Variants in UGT1A4 observed in about 807,000 individuals in gnomAD.
The protein encoded by UGT1A4 is UDP glucuronosyltransferase family 1 member A4, also known as UDP-glucuronosyltransferase 1A4.
UGT1A4 carries 32 observed loss-of-function variants against 41.1 expected under a neutral mutation model. That is an observed-to-expected ratio of 0.78 (90% CI 0.59 to 1.05). The LOEUF (loss-of-function observed/expected upper bound fraction) is 1.05, where lower values mean the gene tolerates loss of function less well. UGT1A4 is among the 50% of genes least tolerant of loss of function. UGT1A4 has a pLI of 0.00. For missense variants in UGT1A4, 748 were observed against 677.4 expected, an observed-to-expected ratio of 1.10 and a Z score of -1.16; for synonymous variants, 283 against 265.1, an observed-to-expected ratio of 1.07 and a Z score of -0.66.
At chr2:233,722,804 C>G (rs1575543281) in intron 1 of UGT1A4, among the ~76,000 whole-genome samples, 2 of 147,930 alleles carry the variant, frequency 1.4e-5, no homozygotes, top group Non-Finnish European at 3.0e-5. Context: ...TCATCTCCCT[C>G]TTATTTTTTC....
At chr2:233,771,550 T>G (rs1700326393) in intron 4 of UGT1A4, 1 of 152,254 alleles carries the variant, frequency 6.6e-6, no homozygotes, top group Non-Finnish European at 1.5e-5. Flanking sequence ...TACAAATGGC[T>G]GTTAATTTGG....
intron 1 of UGT1A4, among the ~76,000 whole-genome samples, chr2:233,724,299 A>G (rs1357747984): frequency 8.9e-6 from 1 of 112,936 alleles, no homozygotes; most frequent in African/African-American, 3.5e-5. Flanking sequence ...TGACCCCCCC[A>G]CCTCCCTCCC....
intron 1 of UGT1A4, among the ~76,000 whole-genome samples, chr2:233,751,321 C>T (rs551289281): frequency 6.6e-6 from 1 of 152,014 alleles, no homozygotes; most frequent in East Asian, 1.9e-4. Flanking sequence ...TTTCTGTACC[C>T]CCATTGTGTC....
chr2:233,737,160 G>A (rs1247160772), intron 1 of UGT1A4, among the ~76,000 whole-genome samples: 1 of 152,224 alleles, frequency 6.6e-6, no homozygotes, highest in Non-Finnish European at 1.5e-5. Flanking sequence ...CCTGCCCACA[G>A]AGGTGGAGTC....
intron 1 of UGT1A4, among the ~76,000 whole-genome samples, chr2:233,745,982 A>G (rs1693272661): frequency 2.0e-5 from 3 of 151,698 alleles, no homozygotes; most frequent in South Asian, 2.1e-4. Flanking sequence ...TGGGACCATG[A>G]CAGCTGGGTC....
chr2:233,730,522 G>A (rs45560734), intron 1 of UGT1A4, among the ~76,000 whole-genome samples: 4,919 of 152,208 alleles, frequency 0.032, 260 homozygotes, highest in African/African-American at 0.11. Flanking sequence ...TGGAAGTGGG[G>A]CAATGAAGTT....
At chr2:233,741,039 A>T (rs1218134872) in intron 1 of UGT1A4, among the ~76,000 whole-genome samples, 1 of 151,820 alleles carries the variant, frequency 6.6e-6, no homozygotes, top group African/African-American at 2.4e-5. Context: ...GTAAGCTATG[A>T]TCTTGCCTAG....
At chr2:233,765,730 T>TAATAAA (rs1427774434) in intron 1 of UGT1A4, among the ~76,000 whole-genome samples, 195 of 150,280 alleles carry the variant, frequency 1.3e-3, no homozygotes, top group Admixed American at 3.5e-3. Context: ...ATAATAATAA[T>TAATAAA]AAATAAACCC....
chr2:233,740,338 G>C (rs1156245808), intron 1 of UGT1A4, among the ~76,000 whole-genome samples: 2 of 151,948 alleles, frequency 1.3e-5, no homozygotes, highest in Admixed American at 1.3e-4. Context: ...TGAGAAAGTT[G>C]ATGAGAAAGT....
intron 1 of UGT1A4, among the ~76,000 whole-genome samples, chr2:233,748,621 T>C (rs1261589705): frequency 1.3e-5 from 2 of 151,698 alleles, no homozygotes; most frequent in African/African-American, 4.9e-5. Context: ...ACGTGGGATA[T>C]ATGTCTGTGA....
chr2:233,769,819 C>A lies in UGT1A4; in HGVS notation c.1307+1380C>A. On this transcript the variant is annotated intron_variant, in intron 4 of 4. Transcript: ENST00000373409. The surrounding 1 kb of genome is among the most constrained non-coding windows in gnomAD (Gnocchi z 4.4). ...GCTATGAGCCGTGATCATGCCACTG[C>A]ACTCCAGCAACCTGGGCAACAGAGT... 2 of 840,292 alleles carry A rather than the reference C, an allele frequency of 2.4e-6. No homozygotes were observed. The highest frequency in any genetic ancestry group is 3.4e-6 in the Non-Finnish European group (2 of 594,478). The allele number at this position is 840,292 out of a possible 1,614,324, so 52.1% of individuals were successfully genotyped here.
Position 233,718,896 on chromosome 2 carries a change from G to T in UGT1A4, c.76G>T (p.Ala26Ser), listed in dbSNP as rs763201473. 1 of 1,614,046 alleles carries T rather than the reference G, an allele frequency of 6.2e-7. No individual in the cohort carries two copies. The highest frequency in any genetic ancestry group is 8.5e-7 in the Non-Finnish European group (1 of 1,179,918). Residue 26 changes from alanine (A) to serine (S), a missense_variant, in exon 1 of 5, where the codon GCT becomes TCT. Physicochemically the swap from Ala to Ser is moderately conservative, Grantham distance 99. Transcript: ENST00000373409. ...LLLLLSVQPW[A>S]ESGKVLVVPT... ...GCTCCTCCTCAGTGTCCAGCCCTGG[G>T]CTGAGAGTGGAAAGGTGTTGGTGGT... is the stretch of plus-strand genomic sequence containing the variant.
intron 1 of UGT1A4, among the ~76,000 whole-genome samples, chr2:233,756,797 C>T (rs954051942): frequency 2.0e-5 from 3 of 151,992 alleles, no homozygotes. Context: ...GGGCAATACA[C>T]TAGTAAAGGT....
chr2:233,732,874 G>A (rs1220552637), intron 1 of UGT1A4, among the ~76,000 whole-genome samples: 1 of 151,670 alleles, frequency 6.6e-6, no homozygotes, highest in Non-Finnish European at 1.5e-5. Context: ...GATGGGTTTG[G>A]CATTGAATCT....
rs2076726952 is a variant in UGT1A4 at position 233,719,108 on chromosome 2, C to T, written c.288C>T (p.Tyr96=). The part of the protein sequence containing the change: ...QKEFDRVTLG[Y]TQGFFETEHL... ...AATTTGATCGCGTTACGCTGGGCTACACTCAAGGGTTCTTTGAAACAGAAC... is the reference window on the plus strand; with the variant it reads ...AATTTGATCGCGTTACGCTGGGCTATACTCAAGGGTTCTTTGAAACAGAAC... Residue 96 remains tyrosine (Y), a synonymous_variant, in exon 1 of 5, where the codon TAC becomes TAT. Transcript: ENST00000373409. The T allele has an allele frequency of 6.2e-7, 1 of 1,614,264 alleles. No individual in the cohort carries two copies. Among genetic ancestry groups the T allele is most frequent in the Non-Finnish European group, 8.5e-7 (1 of 1,180,054 alleles).
intron 1 of UGT1A4, among the ~76,000 whole-genome samples, chr2:233,724,167 C>T (rs1161532135): frequency 7.9e-6 from 1 of 127,032 alleles, no homozygotes; most frequent in Non-Finnish European, 1.6e-5. Context: ...GGGGCTGACC[C>T]CCCCATCTCC....
intron 1 of UGT1A4, among the ~76,000 whole-genome samples, chr2:233,736,009 A>G (rs1243121159): frequency 6.6e-6 from 1 of 151,786 alleles, no homozygotes; most frequent in Non-Finnish European, 1.5e-5. Context: ...CTTCTCGAGG[A>G]GTATCTTTGT....
At chr2:233,760,542 G>A in intron 1 of UGT1A4, 1 of 1,614,262 alleles carries the variant, frequency 6.2e-7, no homozygotes, top group Non-Finnish European at 8.5e-7. Flanking sequence ...CATTCCAAAG[G>A]GAGGATGTGA....
chr2:233,745,744 G>A (rs1406161320), intron 1 of UGT1A4, among the ~76,000 whole-genome samples: 1 of 149,304 alleles, frequency 6.7e-6, no homozygotes, highest in Non-Finnish European at 1.5e-5. Context: ...GAGGGAGGGG[G>A]CAAGCAGAAG....
Sources: gnomAD v4.1 joint callset for allele counts (sites outside exome capture counted in the v4.1 genomes callset) on GRCh38, gnomAD v4.1.1 for gene constraint, Gnocchi (gnomAD v3.1) non-coding constraint, MANE v1.5 for transcripts, NCBI Gene and HGNC (gene_info 2026-07-23, HGNC 2026-07-21) for gene names.